CCDC178: variants seen among roughly 807,000 people sequenced by gnomAD.
CCDC178 encodes the protein coiled-coil domain containing 178, also known as coiled-coil domain-containing protein 178.
CCDC178 carries 126 observed loss-of-function variants against 117.4 expected under a neutral mutation model. The observed-to-expected ratio is 1.07, with a 90% confidence interval of 0.93 to 1.24. CCDC178 has a LOEUF of 1.24. CCDC178 is among the 50% of genes most tolerant of loss of function. The probability of loss-of-function intolerance (pLI) is 0.00; values close to 1 mark genes in which losing one functional copy is unlikely to be tolerated. For missense variants in CCDC178, 1,030 were observed against 986.9 expected (o/e 1.04, Z -0.59); for synonymous variants, 283 against 313.4 (o/e 0.90, Z 1.02).
At chr18:33,016,090 C>T (rs184897069) in intron 21 of CCDC178, among the ~76,000 whole-genome samples, 56 of 151,924 alleles carry the variant, frequency 3.7e-4, no homozygotes, top group Middle Eastern at 6.8e-3. Flanking sequence ...CTCAAATTTC[C>T]GTATATAGAA....
chr18:33,185,040 G>C (rs933119937), intron 20 of CCDC178, among the ~76,000 whole-genome samples: 1 of 151,834 alleles, frequency 6.6e-6, no homozygotes, highest in Non-Finnish European at 1.5e-5. Flanking sequence ...TTTTCTGAAA[G>C]TATGACAACA....
intron 11 of CCDC178, among the ~76,000 whole-genome samples, chr18:33,305,000 C>T (rs550255733): frequency 3.9e-5 from 6 of 152,262 alleles, no homozygotes; most frequent in African/African-American, 1.4e-4. Flanking sequence ...GAGCCTTGCT[C>T]CTTCTTATCA....
chr18:33,404,815 G>A (rs1181632464), intron 3 of CCDC178, among the ~76,000 whole-genome samples: 1 of 151,766 alleles, frequency 6.6e-6, no homozygotes, highest in East Asian at 1.9e-4. Context: ...TTACAACATG[G>A]ATGAACCTTG....
chr18:33,047,823 G>C (rs2056673313), intron 21 of CCDC178, among the ~76,000 whole-genome samples: 1 of 152,070 alleles, frequency 6.6e-6, no homozygotes. Flanking sequence ...CGAGTGATTT[G>C]TCCTCAGGAA....
intron 21 of CCDC178, among the ~76,000 whole-genome samples, chr18:32,977,286 C>T (rs1253767823): frequency 6.6e-6 from 1 of 152,066 alleles, no homozygotes; most frequent in African/African-American, 2.4e-5. Context: ...CTCTTTCTCT[C>T]TCTGATATTT....
intron 5 of CCDC178, among the ~76,000 whole-genome samples, chr18:33,371,285 GTATA>G (rs1223560268): frequency 6.8e-6 from 1 of 147,844 alleles, no homozygotes; most frequent in African/African-American, 2.4e-5. Flanking sequence ...GTGTGTGTGT[GTATA>G]TATGTGTATA....
intron 18 of CCDC178, among the ~76,000 whole-genome samples, chr18:33,220,263 C>A (rs1219654899): frequency 6.6e-6 from 1 of 152,040 alleles, no homozygotes; most frequent in African/African-American, 2.4e-5. Flanking sequence ...GCACCGATTA[C>A]TGTACTATGC....
chr18:33,361,994 C>T (rs1429311985), intron 6 of CCDC178, among the ~76,000 whole-genome samples: 1 of 151,606 alleles, frequency 6.6e-6, no homozygotes, highest in Non-Finnish European at 1.5e-5. Context: ...GTAAAGATAT[C>T]TTCACACCCA....
intron 18 of CCDC178, among the ~76,000 whole-genome samples, chr18:33,221,681 CCTTCT>C (rs2059236365): frequency 6.6e-6 from 1 of 152,052 alleles, no homozygotes; most frequent in Admixed American, 6.6e-5. Context: ...AATTTAAAAA[CCTTCT>C]GCTTTAAGCT....
intron 5 of CCDC178, among the ~76,000 whole-genome samples, chr18:33,388,519 A>ATTTTTTTTTTTTTTTTTTTTTTTTTT (rs71159828): frequency 1.5e-5 from 1 of 65,266 alleles, no homozygotes; most frequent in African/African-American, 6.3e-5. Flanking sequence ...ACACCACGGA[A>ATTTTTTTTTTTTTTTTTTTTTTTTTT]TTTTTTTTTT....
intron 21 of CCDC178, among the ~76,000 whole-genome samples, chr18:32,980,502 C>T (rs536879064): frequency 1.5e-4 from 20 of 129,064 alleles, no homozygotes; most frequent in African/African-American, 4.6e-4. Flanking sequence ...ACCCGGAAGG[C>T]GGAGCTTGCA....
intron 10 of CCDC178, among the ~76,000 whole-genome samples, chr18:33,331,488 T>C (rs925835318): frequency 2.0e-5 from 3 of 152,000 alleles, no homozygotes; most frequent in African/African-American, 7.2e-5. Flanking sequence ...TTTGGCATTT[T>C]CTAAACTTCC....
chr18:33,073,917 A>G (rs983932000), intron 21 of CCDC178, among the ~76,000 whole-genome samples: 1 of 152,102 alleles, frequency 6.6e-6, no homozygotes. Flanking sequence ...CAATCTAGTG[A>G]TTAAATGGTT....
chr18:32,992,990 GC>G (rs2144747144), intron 21 of CCDC178, among the ~76,000 whole-genome samples: 1 of 152,032 alleles, frequency 6.6e-6, no homozygotes, highest in East Asian at 1.9e-4. Context: ...ACATGGTGAA[GC>G]CCCGTCTCTG....
chr18:33,327,767 TG>T (rs2062604939), intron 10 of CCDC178, among the ~76,000 whole-genome samples: 21 of 152,314 alleles, frequency 1.4e-4, no homozygotes, highest in Admixed American at 8.5e-4. Flanking sequence ...TATGTCTATC[TG>T]TTCATTACTA....
rs1457057942 is a variant in CCDC178 at position 33,206,391 on chromosome 18, A to G, written c.2238+5505T>C. ...ATAATAAAGAAAAAAGCTAAAATTA[A>G]TCAATTAAAAAACAAAAAAGAATAT... On this transcript the variant is annotated intron_variant, in intron 20 of 22. Transcript: ENST00000383096. Among the ~76,000 whole-genome samples, 6 of 152,190 alleles carry G rather than the reference A, an allele frequency of 3.9e-5. No homozygotes were observed. The East Asian group carries it at 1.2e-3, about 29-fold the overall frequency.
intron 20 of CCDC178, among the ~76,000 whole-genome samples, chr18:33,137,617 C>T (rs1339529573): frequency 6.6e-6 from 1 of 152,138 alleles, no homozygotes; most frequent in Non-Finnish European, 1.5e-5. Flanking sequence ...TCTAGAAAAG[C>T]AATTATTTCC....
chr18:33,125,702 A>G (rs984678825), intron 20 of CCDC178, among the ~76,000 whole-genome samples: 1 of 152,218 alleles, frequency 6.6e-6, no homozygotes, highest in Non-Finnish European at 1.5e-5. Flanking sequence ...TAGTAAAGAG[A>G]GCAACAGGAA....
At chr18:33,091,689 C>A (rs1230217032) in intron 21 of CCDC178, among the ~76,000 whole-genome samples, 1 of 152,058 alleles carries the variant, frequency 6.6e-6, no homozygotes. Flanking sequence ...TATTCAGAAG[C>A]TTTAACTCTC....
Sources: gnomAD v4.1 joint callset for allele counts (sites outside exome capture counted in the v4.1 genomes callset) on GRCh38, gnomAD v4.1.1 for gene constraint, MANE v1.5 for transcripts, NCBI Gene and HGNC (gene_info 2026-07-23, HGNC 2026-07-21) for gene names.